The following RGS6 variants were observed in gnomAD, a reference collection of about 807,000 sequenced individuals.
RGS6 encodes regulator of G protein signaling 6.
Under a neutral mutation model 78.5 loss-of-function variants are expected in RGS6, and 30 were observed. That is an observed-to-expected ratio of 0.38 (90% CI 0.29 to 0.52). RGS6 has a LOEUF of 0.52. Among genes scored for constraint, RGS6 ranks in the 20% least tolerant of loss-of-function variants. The pLI is 0.85. For synonymous variants in RGS6, 206 were observed against 206.0 expected, an observed-to-expected ratio of 1.00 and a Z score of 0.00; for missense variants, 495 against 609.7, an observed-to-expected ratio of 0.81 and a Z score of 1.98.
intron 3 of RGS6, among the ~76,000 whole-genome samples, chr14:72,424,882 T>C (rs116569621): frequency 1.4e-4 from 22 of 151,896 alleles, no homozygotes; most frequent in African/African-American, 5.3e-4. Flanking sequence ...GTGTTTGGGG[T>C]TTCTGCATAT....
intron 3 of RGS6, among the ~76,000 whole-genome samples, chr14:72,443,327 G>A (rs1452174341): frequency 6.6e-6 from 1 of 152,234 alleles, no homozygotes. Flanking sequence ...TCAAGAACTT[G>A]TATGTCCCAG....
chr14:72,338,414 G>A (rs189333229), intron 2 of RGS6, among the ~76,000 whole-genome samples: 22 of 152,258 alleles, frequency 1.4e-4, no homozygotes, highest in African/African-American at 5.1e-4. Context: ...GATCTCAGGA[G>A]ACTTATTCAC....
chr14:72,612,526 T>C, the RGS6 span: 6 of 518,840 alleles, frequency 1.2e-5, no homozygotes, highest in Non-Finnish European at 2.3e-5. Context: ...CACTGTTGCT[T>C]CCCACTTCCC....
At chr14:72,327,102 G>C (rs1429311605) in intron 2 of RGS6, among the ~76,000 whole-genome samples, 1 of 152,180 alleles carries the variant, frequency 6.6e-6, no homozygotes, top group Non-Finnish European at 1.5e-5. Flanking sequence ...TAAATGGCCA[G>C]GGTTGGTGAT....
At chr14:71,945,386 TGAAG>T (rs747014328) in intron 1 of RGS6, among the ~76,000 whole-genome samples, 50 of 152,272 alleles carry the variant, frequency 3.3e-4, no homozygotes, top group Admixed American at 6.5e-4. Flanking sequence ...ATTTGTGAAA[TGAAG>T]GAAGAAAATG....
chr14:72,009,022 A>G (rs2085144436), intron 2 of RGS6, among the ~76,000 whole-genome samples: 1 of 152,120 alleles, frequency 6.6e-6, no homozygotes, highest in Non-Finnish European at 1.5e-5. Flanking sequence ...TTGGATTTTT[A>G]TATGTGCTAG....
intron 2 of RGS6, among the ~76,000 whole-genome samples, chr14:72,349,527 TG>T (rs1435559669): frequency 6.6e-6 from 1 of 152,186 alleles, no homozygotes; most frequent in East Asian, 1.9e-4. Flanking sequence ...AGTCAGGAAC[TG>T]GGGGGCAATA....
intron 2 of RGS6, among the ~76,000 whole-genome samples, chr14:72,111,608 T>A (rs1411505197): frequency 6.6e-6 from 1 of 152,176 alleles, no homozygotes; most frequent in Non-Finnish European, 1.5e-5. Context: ...TCTAGAACAC[T>A]AGAAAATCCT....
intron 2 of RGS6, among the ~76,000 whole-genome samples, chr14:72,234,171 G>A (rs974292695): frequency 1.4e-4 from 21 of 151,918 alleles, no homozygotes; most frequent in East Asian, 2.0e-4. Flanking sequence ...GAATCATTCC[G>A]TTTTGCTTGT....
intron 2 of RGS6, among the ~76,000 whole-genome samples, chr14:72,145,487 A>G (rs545784979): frequency 3.3e-5 from 5 of 152,256 alleles, no homozygotes; most frequent in African/African-American, 1.2e-4. Context: ...AAAATTTTGT[A>G]AAGGTGGTTT....
the RGS6 span, among the ~76,000 whole-genome samples, chr14:72,625,601 C>T: frequency 6.6e-6 from 1 of 152,182 alleles, no homozygotes; most frequent in Non-Finnish European, 1.5e-5. Flanking sequence ...TTCATTGCTT[C>T]TGTGTTGTCA....
chr14:72,128,882 C>T (rs1051096857), intron 2 of RGS6, among the ~76,000 whole-genome samples: 11 of 152,156 alleles, frequency 7.2e-5, no homozygotes, highest in Admixed American at 7.2e-4. Flanking sequence ...CTATTAGTTG[C>T]CTGGCAGATG....
chr14:71,930,958 CAAG>C (rs1195243247), upstream of RGS6, among the ~76,000 whole-genome samples: 1 of 77,496 alleles, frequency 1.3e-5, no homozygotes, highest in African/African-American at 4.3e-5. Flanking sequence ...GCCTGGGCAA[CAAG>C]AAGGAAACTA....
At chr14:72,579,428 A>G in the RGS6 span, among the ~76,000 whole-genome samples, 7 of 152,226 alleles carry the variant, frequency 4.6e-5, no homozygotes, top group South Asian at 8.3e-4. Flanking sequence ...AATAAAGCTT[A>G]TCAGAATGCA....
At chr14:72,375,023 A>T (rs2084348395) in intron 3 of RGS6, among the ~76,000 whole-genome samples, 1 of 152,234 alleles carries the variant, frequency 6.6e-6, no homozygotes, top group Non-Finnish European at 1.5e-5. Flanking sequence ...CAAAGAGTTG[A>T]TAAACTAGAA....
chr14:72,591,029 G>A, the RGS6 span, among the ~76,000 whole-genome samples: 42 of 152,138 alleles, frequency 2.8e-4, no homozygotes, highest in African/African-American at 9.4e-4. Context: ...CATGGTGTAT[G>A]GGTACCAGTA....
At chr14:72,567,333 G>A (rs2097714611), downstream of RGS6, among the ~76,000 whole-genome samples, 1 of 152,134 alleles carries the variant, frequency 6.6e-6, no homozygotes, top group South Asian at 2.1e-4. Flanking sequence ...CCCCAAAAGA[G>A]CCTGTCCTCT....
the RGS6 span, among the ~76,000 whole-genome samples, chr14:71,907,366 T>G: frequency 6.6e-6 from 1 of 151,862 alleles, no homozygotes; most frequent in Non-Finnish European, 1.5e-5. Flanking sequence ...AAGAATTAGG[T>G]AGATAAAAGA....
At chr14:72,249,806 C>T (rs2055169235) in intron 2 of RGS6, among the ~76,000 whole-genome samples, 1 of 152,078 alleles carries the variant, frequency 6.6e-6, no homozygotes, top group African/African-American at 2.4e-5. Context: ...TTTATTGCGG[C>T]ATTATTCACA....
Sources: gnomAD v4.1 joint callset for allele counts (sites outside exome capture counted in the v4.1 genomes callset) on GRCh38, gnomAD v4.1.1 for gene constraint, MANE v1.5 for transcripts, NCBI Gene and HGNC (gene_info 2026-07-23, HGNC 2026-07-21) for gene names.